Variants in RAB11A observed in about 807,000 individuals in gnomAD.
RAB11A encodes ras-related protein Rab-11A.
A neutral mutation model predicts 28.0 loss-of-function variants in RAB11A; 9 were observed. That is an observed-to-expected ratio of 0.32 (90% CI 0.19 to 0.56). The LOEUF (loss-of-function observed/expected upper bound fraction) is 0.56. RAB11A is among the 20% of genes least tolerant of loss of function. The pLI is 0.91. For missense variants in RAB11A, 108 were observed against 269.6 expected (o/e 0.40, Z 4.20); for synonymous variants, 85 against 88.2 (o/e 0.96, Z 0.20).
At chr15:65,878,195 T>G (rs2078200669) in intron 3 of RAB11A, among the ~76,000 whole-genome samples, 1 of 152,234 alleles carries the variant, frequency 6.6e-6, no homozygotes, top group African/African-American at 2.4e-5. Context: ...TCTGTTATGT[T>G]TCTGTGTTTA....
rs553698289 is a variant in RAB11A at position 65,883,836 on chromosome 15, C to T, written c.512-3865C>T. 1.2e-4 allele frequency among the ~76,000 whole-genome samples: 19 copies of T among 152,096 alleles called. 1 individual carries two copies. The South Asian group carries it at 3.1e-3, about 25-fold the overall frequency. The stretch of plus-strand genomic sequence containing the variant: ...TGCTGAGATTACAGGTGTGAGCCAC[C>T]GCCCCTGGCCTTATTCTGCTTTTGG... On this transcript the variant is annotated intron_variant, in intron 4 of 4. Transcript: ENST00000261890.
At chr15:65,880,132 G>GA (rs1283893780) in intron 4 of RAB11A, among the ~76,000 whole-genome samples, 1 of 152,078 alleles carries the variant, frequency 6.6e-6, no homozygotes, top group South Asian at 2.1e-4. Context: ...CAAAGCTAGG[G>GA]AAAAAACATT....
chr15:65,882,654 A>G (rs918421353), intron 4 of RAB11A, among the ~76,000 whole-genome samples: 4 of 152,204 alleles, frequency 2.6e-5, no homozygotes, highest in African/African-American at 9.7e-5. Flanking sequence ...TGTTGGTTTC[A>G]GAATAGACCC....
intron 1 of RAB11A, among the ~76,000 whole-genome samples, chr15:65,874,394 A>G (rs2078180103): frequency 6.6e-6 from 1 of 152,018 alleles, no homozygotes. Context: ...GGCATGCGCC[A>G]CCACACCTGG....
intron 4 of RAB11A, among the ~76,000 whole-genome samples, chr15:65,887,480 G>A (rs144646261): frequency 3.8e-4 from 58 of 152,192 alleles, no homozygotes; most frequent in African/African-American, 1.3e-3. Flanking sequence ...CCTCTGACAT[G>A]GAAAAACCTT....
chr15:65,883,216 A>G (rs1447831166), intron 4 of RAB11A, among the ~76,000 whole-genome samples: 1 of 152,238 alleles, frequency 6.6e-6, no homozygotes, highest in African/African-American at 2.4e-5. Context: ...TAATACCCTT[A>G]TTAGCCAAAG....
intron 3 of RAB11A, among the ~76,000 whole-genome samples, chr15:65,878,952 T>G (rs978914884): frequency 6.6e-6 from 1 of 151,856 alleles, no homozygotes; most frequent in African/African-American, 2.4e-5. Flanking sequence ...ATATAACAAG[T>G]ATTTATTTTA....
At position 65,891,920 on chromosome 15, in the gene RAB11A, TAAAA is replaced by T. The variant is rs996776510; in HGVS notation, c.*4086_*4089del. On this transcript the variant is annotated 3_prime_UTR_variant, in exon 5 of 5. Coordinates refer to ENST00000261890, the MANE Select transcript of RAB11A (RefSeq NM_004663.5). Reference sequence around the variant, plus strand: ...CTGCTTGTTTTATGGCTTTTGCTGTTAAAAAAAAACTGCTGGCTTTTAATATGTA... The same window carrying T: ...CTGCTTGTTTTATGGCTTTTGCTGTTAAAAACTGCTGGCTTTTAATATGTA... 2.0e-5 allele frequency: 3 copies of T among 151,642 alleles called. No homozygotes were observed. The highest frequency in any genetic ancestry group is 7.3e-5 in the African/African-American group (3 of 41,280). 9.4% of individuals were successfully genotyped at this position (151,642 alleles called of 1,614,324 possible).
chr15:65,883,023 A>G (rs2078232561), intron 4 of RAB11A, among the ~76,000 whole-genome samples: 1 of 152,120 alleles, frequency 6.6e-6, no homozygotes, highest in Admixed American at 6.5e-5. Context: ...TTTCGGCACC[A>G]TGTGAGATTA....
chr15:65,879,017 A>G (rs924877147), intron 3 of RAB11A, among the ~76,000 whole-genome samples: 5 of 141,036 alleles, frequency 3.5e-5, no homozygotes, highest in East Asian at 2.1e-4. Flanking sequence ...TTTGGGAGCC[A>G]GGATCTCACT....
intron 4 of RAB11A, among the ~76,000 whole-genome samples, chr15:65,882,311 C>T (rs933877289): frequency 6.6e-6 from 1 of 152,220 alleles, no homozygotes; most frequent in Non-Finnish European, 1.5e-5. Flanking sequence ...AAACTTTCTT[C>T]CTCCTGTATG....
rs2078275745 is a variant in RAB11A at position 65,889,632 on chromosome 15, A to G, written c.*1792A>G. The G allele has an allele frequency of 6.6e-6, 1 of 152,226 alleles. No individual in the cohort carries two copies. Among genetic ancestry groups the G allele is most frequent in the African/African-American group, 2.4e-5 (1 of 41,460 alleles). The allele number at this position is 152,226 out of a possible 1,614,324, so 9.4% of individuals were successfully genotyped here. On this transcript the variant is annotated 3_prime_UTR_variant, in exon 5 of 5. Coordinates refer to ENST00000261890, the MANE Select transcript of RAB11A (RefSeq NM_004663.5). The stretch of plus-strand genomic sequence containing the variant: ...CAATTATGCTTTCCTTGGAAAAAGT[A>G]TGTCCAAAAACATTAGGAAAGTAGT...
Position 65,889,391 on chromosome 15 carries a change from G to T in RAB11A, c.*1551G>T, listed in dbSNP as rs2078273481. Reference sequence around the variant, plus strand: ...GTATTTTATGCATGCTCTGTAATTTGATTTTTTTTTAGTTATTGATTTGGA... The same window carrying T: ...GTATTTTATGCATGCTCTGTAATTTTATTTTTTTTTAGTTATTGATTTGGA... On this transcript the variant is annotated 3_prime_UTR_variant, in exon 5 of 5. Coordinates refer to ENST00000261890, the MANE Select transcript of RAB11A (RefSeq NM_004663.5). 1 of 151,988 alleles carries T rather than the reference G, an allele frequency of 6.6e-6. No homozygotes were observed. The highest frequency in any genetic ancestry group is 2.4e-5 in the African/African-American group (1 of 41,368). 9.4% of individuals were successfully genotyped at this position (151,988 alleles called of 1,614,324 possible). A position where few individuals can be genotyped will look rare whatever the true frequency, so the allele number is the denominator to read the frequency against.
chr15:65,889,780 G>T lies in RAB11A; in HGVS notation c.*1940G>T, dbSNP rs1424669110. ...AAAGAGAAAAACTAAATAGTGAATT[G>T]AAAATGAATAAAGTAAACTTAGAAT... On this transcript the variant is annotated 3_prime_UTR_variant, in exon 5 of 5. Transcript: ENST00000261890. The T allele has an allele frequency of 1.3e-5, 2 of 152,162 alleles. No homozygotes were observed. Among genetic ancestry groups the T allele is most frequent in the Non-Finnish European group, 1.5e-5 (1 of 68,026 alleles). 9.4% of individuals were successfully genotyped at this position (152,162 alleles called of 1,614,324 possible).
At chr15:65,870,756 A>C (rs1179232232) in intron 1 of RAB11A, among the ~76,000 whole-genome samples, 2 of 152,170 alleles carry the variant, frequency 1.3e-5, no homozygotes, top group African/African-American at 4.8e-5. Context: ...TGGTTACATT[A>C]AATATTTATT....
rs2078297637 is a variant in RAB11A at position 65,891,659 on chromosome 15, A to G, written c.*3819A>G. The G allele has an allele frequency of 6.6e-6, 1 of 152,246 alleles. No individual in the cohort carries two copies. Among genetic ancestry groups the G allele is most frequent in the African/African-American group, 2.4e-5 (1 of 41,468 alleles). The allele number at this position is 152,246 out of a possible 1,614,324, so 9.4% of individuals were successfully genotyped here. A position where few individuals can be genotyped will look rare whatever the true frequency, so the allele number is the denominator to read the frequency against. On this transcript the variant is annotated 3_prime_UTR_variant, in exon 5 of 5. Coordinates refer to ENST00000261890, the MANE Select transcript of RAB11A (RefSeq NM_004663.5). ...TATTAACATTTTAACTCAAGTTTAAATTTAATAGAGAAGTCAAAATGAGGT... is the reference window on the plus strand; with the variant it reads ...TATTAACATTTTAACTCAAGTTTAAGTTTAATAGAGAAGTCAAAATGAGGT...
intron 1 of RAB11A, among the ~76,000 whole-genome samples, chr15:65,871,239 T>A (rs539156574): frequency 6.6e-6 from 1 of 152,368 alleles, no homozygotes; most frequent in South Asian, 2.1e-4. Context: ...CTCTTACTCC[T>A]CTGACTCAGA....
At chr15:65,874,162 C>G (rs775763279) in intron 1 of RAB11A, among the ~76,000 whole-genome samples, 2 of 151,536 alleles carry the variant, frequency 1.3e-5, no homozygotes, top group African/African-American at 2.4e-5. Flanking sequence ...ATGCATTTAG[C>G]AGCTTGATAT....
At chr15:65,872,358 G>GGGTTAT (rs1303990535) in intron 1 of RAB11A, among the ~76,000 whole-genome samples, 6 of 151,720 alleles carry the variant, frequency 4.0e-5, no homozygotes, top group Admixed American at 3.3e-4. Context: ...ATGTTTCCAT[G>GGGTTAT]GGTTATGGTT....
Sources: allele counts gnomAD v4.1 joint callset (sites outside exome capture counted in the v4.1 genomes callset), GRCh38; gene constraint gnomAD v4.1.1; transcripts MANE v1.5; gene names NCBI Gene and HGNC (gene_info 2026-07-23, HGNC 2026-07-21).